SETDB2: variants seen among roughly 807,000 people sequenced by gnomAD.
The protein encoded by SETDB2 is histone-lysine N-methyltransferase SETDB2.
Under a neutral mutation model 82.5 loss-of-function variants are expected in SETDB2, and 56 were observed. That is an observed-to-expected ratio of 0.68 (90% CI 0.55 to 0.85). The LOEUF is 0.85. Among genes scored for constraint, SETDB2 ranks in the 40% least tolerant of loss-of-function variants. SETDB2 has a pLI of 0.00. For missense variants in SETDB2, 677 were observed against 816.4 expected, an observed-to-expected ratio of 0.83 and a Z score of 2.08; for synonymous variants, 272 against 284.9, an observed-to-expected ratio of 0.95 and a Z score of 0.46.
At chr13:49,475,138 C>T (rs1397429836) in intron 5 of SETDB2, among the ~76,000 whole-genome samples, 1 of 152,188 alleles carries the variant, frequency 6.6e-6, no homozygotes, top group Admixed American at 6.5e-5. Context: ...GAGCAAGTCA[C>T]ATCTTACATA....
chr13:49,456,768 C>T (rs1281358317), intron 2 of SETDB2, among the ~76,000 whole-genome samples: 2 of 152,168 alleles, frequency 1.3e-5, no homozygotes, highest in African/African-American at 4.8e-5. Flanking sequence ...CTCATTTAGT[C>T]TCCTTGTGCA....
intron 11 of SETDB2, among the ~76,000 whole-genome samples, chr13:49,487,594 G>T (rs955031058): frequency 6.6e-6 from 1 of 151,990 alleles, no homozygotes; most frequent in Non-Finnish European, 1.5e-5. Flanking sequence ...CTCCTGCCTT[G>T]GCCTCCCAAA....
intron 4 of SETDB2, among the ~76,000 whole-genome samples, chr13:49,464,924 G>A (rs1409258296): frequency 6.6e-6 from 1 of 151,956 alleles, no homozygotes; most frequent in Non-Finnish European, 1.5e-5. Flanking sequence ...AAATTAGTTG[G>A]CTGTGGTGGT....
chr13:49,462,375 A>T (rs981235663), intron 4 of SETDB2, among the ~76,000 whole-genome samples: 17 of 152,180 alleles, frequency 1.1e-4, no homozygotes, highest in African/African-American at 4.1e-4. Context: ...CACTCTTATC[A>T]CTACTGGAGA....
rs371738994 is a variant in SETDB2, at chr13:49,446,431, C to G, written c.-342+1574C>G. 3.9e-5 allele frequency: 18 copies of G among 456,102 alleles called. No homozygotes were observed. In the East Asian group the frequency reaches 6.9e-4, roughly 18 times the overall value. The allele number at this position is 456,102 out of a possible 1,614,324, so 28.3% of individuals were successfully genotyped here. A position where few individuals can be genotyped will look rare whatever the true frequency, so the allele number is the denominator to read the frequency against. ...CCCTCACTCCTCTCCCTCCCTACTCCCGCTGGAGACTTTGGTACAGAGCTT... is the reference window on the plus strand; with the variant it reads ...CCCTCACTCCTCTCCCTCCCTACTCGCGCTGGAGACTTTGGTACAGAGCTT... On this transcript the variant is annotated intron_variant, in intron 1 of 13. Coordinates refer to ENST00000611815, the MANE Select transcript of SETDB2 (RefSeq NM_001160308.3).
chr13:49,476,381 A>T (rs1203070337), intron 5 of SETDB2, 95 bp from the exon 6 acceptor site: 2 of 821,498 alleles, frequency 2.4e-6, no homozygotes, highest in Non-Finnish European at 3.8e-6. Context: ...GCTTATTTTA[A>T]TATTGTCTAA....
chr13:49,461,800 C>T (rs1362522393), intron 4 of SETDB2, among the ~76,000 whole-genome samples: 1 of 152,198 alleles, frequency 6.6e-6, no homozygotes, highest in Non-Finnish European at 1.5e-5. Context: ...CAACTTGCTC[C>T]CACTTCAGAC....
intron 2 of SETDB2, among the ~76,000 whole-genome samples, chr13:49,456,024 G>C (rs1304449494): frequency 1.3e-5 from 2 of 152,094 alleles, no homozygotes; most frequent in Non-Finnish European, 2.9e-5. Context: ...TTACTCACCA[G>C]TGCCTTTGTA....
intron 5 of SETDB2, among the ~76,000 whole-genome samples, chr13:49,469,461 T>C (rs1313366365): frequency 6.6e-6 from 1 of 152,230 alleles, no homozygotes; most frequent in Non-Finnish European, 1.5e-5. Flanking sequence ...TTAATTTGGA[T>C]TTTTCTCACC....
chr13:49,470,432 A>G (rs900365815), intron 5 of SETDB2, among the ~76,000 whole-genome samples: 1 of 152,196 alleles, frequency 6.6e-6, no homozygotes, highest in Non-Finnish European at 1.5e-5. Context: ...GCAGGCCAGA[A>G]GTTTATTTGC....
chr13:49,465,662 G>A (rs546819239), intron 4 of SETDB2, among the ~76,000 whole-genome samples: 6 of 151,866 alleles, frequency 4.0e-5, no homozygotes, highest in Admixed American at 3.3e-4. Context: ...TCAGCCTCTC[G>A]AGTAGCTGGG....
chr13:49,480,314 T>G lies in SETDB2; in HGVS notation c.965T>G (p.Leu322Arg). ...ACCACTGGATATAAATATAAAAGAC[T>G]ACAGAGACAGATTCCTACTGGGTAA... ...KITTGYKYKR[L>R]QRQIPTGIYE... Residue 322 changes from leucine (L) to arginine (R), a missense_variant, in exon 7 of 14, where the codon CTA becomes CGA. Physicochemically the swap from Leu to Arg is moderately radical, Grantham distance 102. Coordinates refer to ENST00000611815, the MANE Select transcript of SETDB2 (RefSeq NM_001160308.3). 1 of 1,602,342 alleles carries G rather than the reference T, an allele frequency of 6.2e-7. No individual in the cohort carries two copies. The highest frequency in any genetic ancestry group is 2.3e-5 in the East Asian group (1 of 44,428).
chr13:49,470,966 C>CTTTTTTTTTTTTT (rs55920370), intron 5 of SETDB2, among the ~76,000 whole-genome samples: 3 of 80,486 alleles, frequency 3.7e-5, no homozygotes, highest in Admixed American at 1.6e-4. Flanking sequence ...TTCTTTCTTT[C>CTTTTTTTTTTTTT]TTTTTTTTTT....
intron 1 of SETDB2, 72 bp from the exon 2 acceptor site, chr13:49,451,481 A>ATATC (rs1957785307): frequency 1.0e-4 from 1 of 9,928 alleles, no homozygotes; most frequent in Non-Finnish European, 1.6e-4. Context: ...ATATATACAT[A>ATATC]TATATATATA....
intron 10 of SETDB2, among the ~76,000 whole-genome samples, chr13:49,484,347 G>T (rs1958549307): frequency 6.6e-6 from 1 of 152,188 alleles, no homozygotes. Flanking sequence ...TCAGCTTATT[G>T]CAACCTCTGC....
chr13:49,450,830 C>G (rs1410552175), intron 1 of SETDB2, among the ~76,000 whole-genome samples: 2 of 151,618 alleles, frequency 1.3e-5, no homozygotes, highest in Non-Finnish European at 2.9e-5. Context: ...GATATGTTAT[C>G]CTAGGGAAAT....
At chr13:49,451,154 A>C (rs1014541725) in intron 1 of SETDB2, among the ~76,000 whole-genome samples, 4 of 151,490 alleles carry the variant, frequency 2.6e-5, no homozygotes, top group Non-Finnish European at 5.9e-5. Context: ...ACATTCTGAA[A>C]GAATAACAAT....
intron 1 of SETDB2, among the ~76,000 whole-genome samples, 164 bp downstream of exon 1, chr13:49,445,021 C>G (rs540636771): frequency 6.6e-6 from 1 of 152,224 alleles, no homozygotes; most frequent in African/African-American, 2.4e-5. Flanking sequence ...CATGTGGAAA[C>G]CTGCAGTGAG....
At chr13:49,452,504 A>G (rs1383109803) in intron 2 of SETDB2, among the ~76,000 whole-genome samples, 2 of 152,188 alleles carry the variant, frequency 1.3e-5, no homozygotes, top group East Asian at 1.9e-4. Context: ...AGCTTTATCT[A>G]TGATTAACAT....
Sources: allele counts gnomAD v4.1 joint callset (sites outside exome capture counted in the v4.1 genomes callset), GRCh38; gene constraint gnomAD v4.1.1; transcripts MANE v1.5; gene names NCBI Gene and HGNC (gene_info 2026-07-23, HGNC 2026-07-21).